The following ABLIM1 variants were observed in gnomAD, a reference collection of about 807,000 sequenced individuals.
The protein encoded by ABLIM1 is actin-binding LIM protein 1.
ABLIM1 carries 40 observed loss-of-function variants against 107.0 expected under a neutral mutation model. The observed-to-expected ratio is 0.37, with a 90% CI of 0.29 to 0.49. The LOEUF (loss-of-function observed/expected upper bound fraction) is 0.49. ABLIM1 is among the 20% of genes least tolerant of loss of function. The probability of loss-of-function intolerance (pLI) is 0.97; values close to 1 mark genes in which losing one functional copy is unlikely to be tolerated. For missense variants in ABLIM1, 857 were observed against 1,008.5 expected (o/e 0.85, Z 2.04); for synonymous variants, 357 against 357.3 (o/e 1.00, Z 0.01).
intron 1 of ABLIM1, among the ~76,000 whole-genome samples, chr10:114,699,261 T>C (rs1374421189): frequency 6.6e-6 from 1 of 152,086 alleles, no homozygotes. Context: ...GATGCTTTAA[T>C]AATGCTTAAA....
chr10:114,482,744 G>C (rs558914180), intron 8 of ABLIM1, among the ~76,000 whole-genome samples: 5 of 152,330 alleles, frequency 3.3e-5, no homozygotes, highest in African/African-American at 1.2e-4. Context: ...GATAGGAGGA[G>C]AGAAGTTATT....
intron 22 of ABLIM1, 29 bp from the exon 23 acceptor site, chr10:114,436,402 G>T: frequency 1.3e-6 from 2 of 1,511,796 alleles, no homozygotes; most frequent in African/African-American, 1.4e-5. Context: ...AAAAAGAGCT[G>T]CTGTCAGTCC....
chr10:114,525,451 C>T (rs1222574211), intron 6 of ABLIM1, among the ~76,000 whole-genome samples: 1 of 152,208 alleles, frequency 6.6e-6, no homozygotes, highest in African/African-American at 2.4e-5. Flanking sequence ...GCAACCGCCT[C>T]GAAAACATTG....
chr10:114,564,621 T>A (rs1478812256), intron 4 of ABLIM1, among the ~76,000 whole-genome samples: 2 of 152,084 alleles, frequency 1.3e-5, no homozygotes, highest in African/African-American at 2.4e-5. Flanking sequence ...CGCCTTTCCA[T>A]GAAGCGTCTT....
rs1383997041 is a variant in ABLIM1 at position 114,657,818 on chromosome 10, C to T, written c.244+139G>A. The T allele has an allele frequency of 6.7e-6, 5 of 747,528 alleles. No individual in the cohort carries two copies. The African/African-American group carries it at 8.7e-5, about 13-fold the overall frequency. The allele number at this position is 747,528 out of a possible 1,614,324, so 46.3% of individuals were successfully genotyped here. On this transcript the variant is annotated intron_variant, in intron 1 of 22. Coordinates refer to ENST00000533213, the MANE Select transcript of ABLIM1 (RefSeq NM_002313.7). ...ATGTTACATTCTCCATCTCTCCCAC[C>T]CTCACCCCCATTAATTATATATTAA...
At chr10:114,496,528 A>G (rs1590440938) in intron 6 of ABLIM1, among the ~76,000 whole-genome samples, 1 of 152,280 alleles carries the variant, frequency 6.6e-6, no homozygotes, top group South Asian at 2.1e-4. Context: ...GAGCATTAAG[A>G]AAAAGAGCTA....
intron 6 of ABLIM1, among the ~76,000 whole-genome samples, chr10:114,534,529 C>T (rs2065789572): frequency 6.6e-6 from 1 of 151,956 alleles, no homozygotes; most frequent in African/African-American, 2.4e-5. Context: ...CTGGGACACT[C>T]CAGGAGGTTT....
intron 4 of ABLIM1, among the ~76,000 whole-genome samples, chr10:114,553,082 T>C (rs1182208155): frequency 7.5e-6 from 1 of 132,478 alleles, no homozygotes; most frequent in African/African-American, 3.7e-5. Context: ...CCTTGAGAAC[T>C]ATTTCCGCCT....
At chr10:114,443,858 T>C (rs1194448340) in intron 17 of ABLIM1, among the ~76,000 whole-genome samples, 171 bp downstream of exon 17, 5 of 152,086 alleles carry the variant, frequency 3.3e-5, no homozygotes, top group South Asian at 4.1e-4. Context: ...CACACATTTA[T>C]GGAAGACCCA....
At chr10:114,625,194 G>A (rs190572530) in intron 1 of ABLIM1, among the ~76,000 whole-genome samples, 43 of 152,228 alleles carry the variant, frequency 2.8e-4, no homozygotes, top group Non-Finnish European at 4.7e-4. Flanking sequence ...ACTTCAACCC[G>A]TGGCTAGGAG....
At chr10:114,436,511 G>C (rs1306466911) in intron 22 of ABLIM1, 138 bp from the exon 23 acceptor site, 1 of 631,744 alleles carries the variant, frequency 1.6e-6, no homozygotes, top group African/African-American at 1.8e-5. Context: ...CATCTTTAAT[G>C]CTTGTGACAT....
chr10:114,731,859 C>G (rs1305357287), intron 1 of ABLIM1, among the ~76,000 whole-genome samples: 2 of 152,196 alleles, frequency 1.3e-5, no homozygotes, highest in African/African-American at 2.4e-5. Flanking sequence ...ATCCACCTGC[C>G]TCGGCCTCCC....
At chr10:114,651,813 C>T (rs193215568) in intron 1 of ABLIM1, among the ~76,000 whole-genome samples, 41 of 152,268 alleles carry the variant, frequency 2.7e-4, no homozygotes, top group African/African-American at 8.9e-4. Flanking sequence ...CTCAGGAGAA[C>T]AAAAGTTAAA....
chr10:114,736,279 C>A (rs2082178117), intron 1 of ABLIM1, among the ~76,000 whole-genome samples: 1 of 152,124 alleles, frequency 6.6e-6, no homozygotes, highest in African/African-American at 2.4e-5. Context: ...TTGCATTAAG[C>A]AAAGACCTCA....
intron 1 of ABLIM1, among the ~76,000 whole-genome samples, chr10:114,637,035 TAAAAAAAAA>T (rs3061732): frequency 6.7e-5 from 7 of 104,034 alleles, no homozygotes; most frequent in Non-Finnish European, 1.3e-4. Flanking sequence ...GCTGTCTCTT[TAAAAAAAAA>T]AAAAAAAAAA....
At chr10:114,604,427 C>T (rs994671608) in intron 1 of ABLIM1, among the ~76,000 whole-genome samples, 32 of 152,200 alleles carry the variant, frequency 2.1e-4, no homozygotes, top group Admixed American at 7.2e-4. Context: ...AGGGGACACA[C>T]GTAGCAATAA....
intron 1 of ABLIM1, among the ~76,000 whole-genome samples, chr10:114,697,712 TTAGA>T (rs542745115): frequency 1.3e-3 from 197 of 152,364 alleles, no homozygotes; most frequent in African/African-American, 4.5e-3. Flanking sequence ...ATCCATTAAC[TTAGA>T]TAGCCCTAAT....
intron 15 of ABLIM1, among the ~76,000 whole-genome samples, chr10:114,446,325 T>G (rs1419145795): frequency 1.3e-5 from 2 of 152,232 alleles, no homozygotes; most frequent in African/African-American, 4.8e-5. Context: ...CAAAAGAGTT[T>G]TATACTAATA....
Position 114,462,732 on chromosome 10 carries a change from G to A in ABLIM1, c.1441+2966C>T, listed in dbSNP as rs201667213. On this transcript the variant is annotated intron_variant, in intron 12 of 22. Transcript: ENST00000533213. ...AATTATATATATTATATTTTGTTTC[G>A]ATGCATCCAAAAACAAAATAATAAT... Among the ~76,000 whole-genome samples the A allele has an allele frequency of 3.0e-4, 45 of 149,928 alleles. 1 individual carries two copies. In the East Asian group the frequency reaches 7.2e-3, roughly 24 times the overall value.
Sources: allele counts gnomAD v4.1 joint callset (sites outside exome capture counted in the v4.1 genomes callset), GRCh38; gene constraint gnomAD v4.1.1; transcripts MANE v1.5; gene names NCBI Gene and HGNC (gene_info 2026-07-23, HGNC 2026-07-21).